NT5DC3: variants seen among roughly 807,000 people sequenced by gnomAD.
NT5DC3 encodes the protein 5'-nucleotidase domain-containing protein 3.
Under a neutral mutation model 67.8 loss-of-function variants are expected in NT5DC3, and 42 were observed. The observed-to-expected ratio is 0.62, with a 90% CI of 0.48 to 0.80. NT5DC3 has a LOEUF of 0.80. Ranked by LOEUF, NT5DC3 falls within the 30% of genes least tolerant of loss-of-function variation. The probability of loss-of-function intolerance (pLI) is 0.00; values close to 1 mark genes in which losing one functional copy is unlikely to be tolerated. For synonymous variants in NT5DC3, 237 were observed against 255.6 expected (o/e 0.93, Z 0.69); for missense variants, 570 against 696.4 (o/e 0.82, Z 2.04).
At chr12:103,840,739 G>C (rs1181179906) in intron 1 of NT5DC3, among the ~76,000 whole-genome samples, 2 of 152,114 alleles carry the variant, frequency 1.3e-5, no homozygotes, top group East Asian at 3.9e-4. Flanking sequence ...GGCGCGAGTT[G>C]TGAAGTTTCT....
At chr12:103,780,832 G>A (rs767139505) in intron 12 of NT5DC3, among the ~76,000 whole-genome samples, 8 of 152,076 alleles carry the variant, frequency 5.3e-5, no homozygotes, top group Non-Finnish European at 1.2e-4. Flanking sequence ...TAGAAATGGC[G>A]TATATACCCA....
chr12:103,800,924 GAGA>G, intron 4 of NT5DC3, among the ~76,000 whole-genome samples: 1 of 152,302 alleles, frequency 6.6e-6, no homozygotes, highest in South Asian at 2.1e-4. Flanking sequence ...TGATGTCACT[GAGA>G]AGATCACAGG....
chr12:103,802,791 C>T (rs1349452902), intron 4 of NT5DC3, among the ~76,000 whole-genome samples: 1 of 152,060 alleles, frequency 6.6e-6, no homozygotes, highest in African/African-American at 2.4e-5. Context: ...AGAGTCTTGA[C>T]CAATCTAGTA....
downstream of NT5DC3, chr12:103,766,150 C>A: frequency 1.6e-6 from 2 of 1,227,454 alleles, no homozygotes; most frequent in Non-Finnish European, 2.4e-6. Context: ...GGCAGCAGCA[C>A]AAACAAACAC....
At chr12:103,817,889 C>A (rs991226987) in intron 1 of NT5DC3, among the ~76,000 whole-genome samples, 93 of 152,284 alleles carry the variant, frequency 6.1e-4, no homozygotes, top group African/African-American at 2.1e-3. Context: ...ATAATATACT[C>A]ATTCACTCTA....
intron 12 of NT5DC3, among the ~76,000 whole-genome samples, chr12:103,784,995 T>G (rs1008368212): frequency 2.4e-4 from 36 of 152,090 alleles, no homozygotes; most frequent in African/African-American, 8.5e-4. Context: ...AGGCCCAGAA[T>G]GGAGAAGTCC....
chr12:103,763,271 G>C, the NT5DC3 span: 6 of 557,874 alleles, frequency 1.1e-5, no homozygotes, highest in Non-Finnish European at 1.6e-5. Flanking sequence ...CCTATGTGCC[G>C]ATTTGGTGGT....
Position 103,798,659 on chromosome 12 carries a change from A to G in NT5DC3, c.543T>C (p.Pro181=), listed in dbSNP as rs140726132. 3.9e-4 allele frequency: 630 copies of G among 1,613,520 alleles called. No homozygotes were observed. The highest frequency in any genetic ancestry group is 4.7e-4 in the Non-Finnish European group (559 of 1,179,502). The change falls in exon 5 of 14, where the codon CCT becomes CCC. Residue 181 remains proline, a synonymous_variant. Coordinates refer to ENST00000392876, the MANE Select transcript of NT5DC3 (RefSeq NM_001031701.3). Reference sequence around the variant, plus strand: ...CGTACATTTCAATGACTTCTTCATCAGGGACAACACTGAGGCCTCTGGAAA... The same window carrying G: ...CGTACATTTCAATGACTTCTTCATCGGGGACAACACTGAGGCCTCTGGAAA... ...GTVYRGLSVV[P]DEEVIEMYEG...
At position 103,777,813 on chromosome 12, in the gene NT5DC3, T is replaced by C. The variant is rs766391502; in HGVS notation, c.*16A>G. Reference sequence around the variant, plus strand: ...CCCAATCAGGGGCAGTTACAGTTTCTAGTTTTTGCCCTTGGCTACTTGGCC... The same window carrying C: ...CCCAATCAGGGGCAGTTACAGTTTCCAGTTTTTGCCCTTGGCTACTTGGCC... On this transcript the variant is annotated 3_prime_UTR_variant, in exon 14 of 14. Coordinates refer to ENST00000392876, the MANE Select transcript of NT5DC3 (RefSeq NM_001031701.3). 1.1e-5 allele frequency: 18 copies of C among 1,601,060 alleles called. No individual in the cohort carries two copies. The highest frequency in any genetic ancestry group is 1.9e-4 in the Middle Eastern group (1 of 5,170).
chr12:103,807,033 T>A, intron 2 of NT5DC3, 104 bp from the exon 3 acceptor site: 1 of 691,308 alleles, frequency 1.4e-6, no homozygotes, highest in Non-Finnish European at 2.6e-6. Flanking sequence ...GATACACCAG[T>A]GGGAGGTTGG....
chr12:103,821,921 A>G (rs1190227720), intron 1 of NT5DC3: 1 of 152,220 alleles, frequency 6.6e-6, no homozygotes, highest in East Asian at 1.9e-4. Context: ...TACTGACCAG[A>G]GTTACATCTG....
chr12:103,770,350 A>G (rs959522449), downstream of NT5DC3: 4 of 152,260 alleles, frequency 2.6e-5, no homozygotes, highest in African/African-American at 9.6e-5. Flanking sequence ...CTACAATTCC[A>G]ATAGAAGACA....
intron 1 of NT5DC3, among the ~76,000 whole-genome samples, chr12:103,831,230 C>T (rs552619375): frequency 1.3e-5 from 2 of 152,148 alleles, no homozygotes; most frequent in Non-Finnish European, 2.9e-5. Context: ...AGATCTGATG[C>T]TTTTATAGGC....
At chr12:103,769,518 G>A (rs1285237400), downstream of NT5DC3, among the ~76,000 whole-genome samples, 1 of 152,202 alleles carries the variant, frequency 6.6e-6, no homozygotes, top group African/African-American at 2.4e-5. Flanking sequence ...ACAGCGCAGG[G>A]CACAGAGCAG....
rs12184494 is a variant in NT5DC3, at chr12:103,793,954, G to T, written c.797C>A (p.Ala266Glu). Reference protein sequence around the residue: ...DVHIKGIMYRAIEADIEKYIC... With the variant: ...DVHIKGIMYREIEADIEKYIC... ...GCACATACCAATGTCTGCTTCAATT[G>T]CTCTGTACATTATTCCTTTGATGTG... Residue 266 changes from alanine (A) to glutamate (E), a missense_variant, in exon 7 of 14, where the codon GCA (alanine) becomes GAA (glutamate). Physicochemically the swap from Ala to Glu is moderately radical, Grantham distance 107. Transcript: ENST00000392876. 7.0e-3 allele frequency: 11,306 copies of T among 1,612,774 alleles called. 52 individuals carry two copies. The highest frequency in any genetic ancestry group is 7.9e-3 in the Non-Finnish European group (9,310 of 1,178,806).
downstream of NT5DC3, chr12:103,768,668 T>C (rs990965959): frequency 3.2e-5 from 4 of 126,790 alleles, no homozygotes; most frequent in Non-Finnish European, 5.0e-5. Flanking sequence ...AGAGAGAGAA[T>C]ACCTTCTGTA....
chr12:103,780,281 CA>C lies in NT5DC3; in HGVS notation c.1394+18del. The C allele has an allele frequency of 6.2e-7, 1 of 1,609,114 alleles. No homozygotes were observed. The highest frequency in any genetic ancestry group is 8.5e-7 in the Non-Finnish European group (1 of 1,175,420). On this transcript the variant is annotated intron_variant, in intron 13 of 13. Transcript: ENST00000392876. ...GAACAGGGTGGTGGACGCGCACATT[CA>C]ATACAGGCCTCTCTTACCGCATCTC...
At chr12:103,837,386 C>G (rs1417406495) in intron 1 of NT5DC3, among the ~76,000 whole-genome samples, 1 of 152,228 alleles carries the variant, frequency 6.6e-6, no homozygotes, top group Non-Finnish European at 1.5e-5. Flanking sequence ...ACATTAGGCT[C>G]TTTGCTACTT....
Position 103,814,378 on chromosome 12 carries a change from C to T in NT5DC3, c.393+559G>A, listed in dbSNP as rs536752653. Among the ~76,000 whole-genome samples, 259 of 152,284 alleles carry T rather than the reference C, an allele frequency of 1.7e-3. 1 individual carries two copies. The highest frequency in any genetic ancestry group is 3.2e-3 in the Non-Finnish European group (216 of 68,024). ...TTCCCGGGAGGGGTCTCAAAGGGTA[C>T]GGGCCCACAAGACTTCTGAGGACAC... On this transcript the variant is annotated intron_variant, in intron 2 of 13. Coordinates refer to ENST00000392876, the MANE Select transcript of NT5DC3 (RefSeq NM_001031701.3).
Sources: gnomAD v4.1 joint callset for allele counts (sites outside exome capture counted in the v4.1 genomes callset) on GRCh38, gnomAD v4.1.1 for gene constraint, MANE v1.5 for transcripts, NCBI Gene and HGNC (gene_info 2026-07-23, HGNC 2026-07-21) for gene names.